Variants in METTL8 observed in about 807,000 individuals in gnomAD.
METTL8 encodes the protein tRNA N(3)-cytidine methyltransferase METTL8, mitochondrial.
In METTL8, 32 loss-of-function variants were observed where a neutral mutation model predicts 48.7. That is an observed-to-expected ratio of 0.66 (90% confidence interval 0.50 to 0.88). The LOEUF is 0.88. Ranked by LOEUF, METTL8 falls within the 40% of genes least tolerant of loss-of-function variation. The pLI is 0.00. For missense variants in METTL8, 464 were observed against 474.4 expected, an observed-to-expected ratio of 0.98 and a Z score of 0.20; for synonymous variants, 136 against 157.1, an observed-to-expected ratio of 0.87 and a Z score of 1.01.
intron 2 of METTL8, among the ~76,000 whole-genome samples, chr2:171,366,743 G>T (rs1685759696): frequency 6.6e-6 from 1 of 151,874 alleles, no homozygotes; most frequent in East Asian, 1.9e-4. Context: ...AGTTGAGTAG[G>T]CTCAGGTGGG....
intron 1 of METTL8, among the ~76,000 whole-genome samples, chr2:171,403,663 C>T (rs577064000): frequency 1.3e-5 from 2 of 152,024 alleles, no homozygotes; most frequent in South Asian, 2.1e-4. Context: ...ACAAGGGAGA[C>T]GGGGTATGGA....
At chr2:171,332,171 C>T (rs143853910) in intron 5 of METTL8, 5 of 225,306 alleles carry the variant, frequency 2.2e-5, no homozygotes, top group African/African-American at 6.8e-5. Flanking sequence ...TAGGTGTGAG[C>T]CACTGTGCTC....
At position 171,317,099 on chromosome 2, in the gene METTL8, C is replaced by T. The variant is rs188359260; in HGVS notation, c.*7073G>A. On this transcript the variant is annotated 3_prime_UTR_variant, in exon 10 of 10. Coordinates refer to ENST00000375258, the MANE Select transcript of METTL8 (RefSeq NM_001321154.2). ...AAAAACAAAAAACAAAAAAGCCCCA[C>T]TAATGCAGTGGACTCAGCAGCGGGC... Among the ~76,000 whole-genome samples, 311 of 152,292 alleles carry T rather than the reference C, an allele frequency of 2.0e-3. 5 individuals carry two copies. The highest frequency in any genetic ancestry group is 7.2e-3 in the African/African-American group (298 of 41,558).
At chr2:171,420,579 CCT>C (rs1016361675) in intron 1 of METTL8, among the ~76,000 whole-genome samples, 8 of 152,066 alleles carry the variant, frequency 5.3e-5, no homozygotes, top group African/African-American at 1.9e-4. Flanking sequence ...TAAACATACC[CCT>C]GAGCCAGCAA....
chr2:171,381,518 GC>G (rs1160710595), intron 2 of METTL8, among the ~76,000 whole-genome samples: 2 of 151,914 alleles, frequency 1.3e-5, no homozygotes, highest in African/African-American at 4.8e-5. Context: ...CTGACAAAGG[GC>G]TAATATCCAG....
Position 171,324,302 on chromosome 2 carries a change from C to T in METTL8, c.1094G>A (p.Arg365His), listed in dbSNP as rs747770730. 47 of 1,551,474 alleles carry T rather than the reference C, an allele frequency of 3.0e-5. No homozygotes were observed. The highest frequency in any genetic ancestry group is 3.6e-5 in the Non-Finnish European group (41 of 1,147,000). The change falls in exon 10 of 10, where the codon CGC becomes CAC. Residue 365 changes from arginine to histidine, a missense_variant. Arg to His is a conservative substitution (Grantham distance 29). Coordinates refer to ENST00000375258, the MANE Select transcript of METTL8 (RefSeq NM_001321154.2). Reference sequence around the variant, plus strand: ...TTTTTTCCTATTAACTTGTAAGCGGCGATCAACCAGATTTTGCTTTTCATC... The same window carrying T: ...TTTTTTCCTATTAACTTGTAAGCGGTGATCAACCAGATTTTGCTTTTCATC... ...SLDEKQNLVD[R>H]RLQVNRKKQV...
At chr2:171,419,021 C>T (rs530154822) in intron 1 of METTL8, among the ~76,000 whole-genome samples, 1 of 132,322 alleles carries the variant, frequency 7.6e-6, no homozygotes, top group Admixed American at 7.7e-5. Context: ...GACCCTGTCT[C>T]AAAAAAAAAA....
intron 2 of METTL8, among the ~76,000 whole-genome samples, chr2:171,389,430 G>A (rs1257091463): frequency 1.4e-5 from 2 of 138,518 alleles, no homozygotes; most frequent in Admixed American, 8.3e-5. Context: ...TGAGGCCAGA[G>A]AATCACTTGA....
intron 7 of METTL8, among the ~76,000 whole-genome samples, chr2:171,328,462 A>G (rs1227835997): frequency 6.6e-6 from 1 of 152,138 alleles, no homozygotes; most frequent in East Asian, 1.9e-4. Context: ...TCTGGGGTTG[A>G]ATCTACTACT....
Position 171,339,247 on chromosome 2 carries a change from G to T in METTL8, c.543C>A (p.His181Gln), listed in dbSNP as rs1265246189. The T allele has an allele frequency of 4.4e-6, 7 of 1,601,154 alleles. No homozygotes were observed. The highest frequency in any genetic ancestry group is 2.7e-5 in the African/African-American group (2 of 73,998). ...ATCCAGTCTCCATAGGTCCTTTTTTGTGTTTTTCAGAGTCTAGGTTGGAAA... is the reference window on the plus strand; with the variant it reads ...ATCCAGTCTCCATAGGTCCTTTTTTTTGTTTTTCAGAGTCTAGGTTGGAAA... ...SDFSNLDSEKHKKGPMETGLF... is the reference protein window; with the variant it reads ...SDFSNLDSEKQKKGPMETGLF... Residue 181 changes from histidine to glutamine, a missense_variant, in exon 4 of 10, where the codon CAC becomes CAA. Transcript: ENST00000375258.
intron 2 of METTL8, among the ~76,000 whole-genome samples, chr2:171,387,556 T>TAA (rs1259484341): frequency 6.6e-6 from 1 of 150,548 alleles, no homozygotes; most frequent in African/African-American, 2.4e-5. Context: ...AAAAAAAATT[T>TAA]TTTTTTAAAT....
intron 1 of METTL8, among the ~76,000 whole-genome samples, chr2:171,417,425 T>C (rs1476170327): frequency 6.6e-6 from 1 of 152,214 alleles, no homozygotes; most frequent in South Asian, 2.1e-4. Flanking sequence ...CAAACAATTA[T>C]ATAAGGTTTG....
chr2:171,409,677 T>C (rs1049328228), intron 1 of METTL8, among the ~76,000 whole-genome samples: 1 of 152,120 alleles, frequency 6.6e-6, no homozygotes, highest in African/African-American at 2.4e-5. Flanking sequence ...CTTTTCTAAA[T>C]GGACCCCTGG....
At position 171,373,004 on chromosome 2, in the gene METTL8, T is replaced by C. The variant is rs1465702604; in HGVS notation, c.144-12491A>G. Among the ~76,000 whole-genome samples the C allele has an allele frequency of 3.3e-5, 5 of 152,236 alleles. 1 individual carries two copies. The highest frequency in any genetic ancestry group is 7.3e-5 in the Non-Finnish European group (5 of 68,044). ...AATCCTTTGGGTATATACCCAGTAA[T>C]GGGATGACTGGATCAAATGGTATTT... On this transcript the variant is annotated intron_variant, in intron 2 of 9. Coordinates refer to ENST00000375258, the MANE Select transcript of METTL8 (RefSeq NM_001321154.2).
intron 1 of METTL8, among the ~76,000 whole-genome samples, chr2:171,411,971 A>G (rs1690798363): frequency 2.6e-5 from 4 of 152,260 alleles, no homozygotes; most frequent in Admixed American, 2.6e-4. Flanking sequence ...TGCTATGAAT[A>G]AGCATTTACT....
At chr2:171,406,372 T>A (rs1003437320) in intron 1 of METTL8, among the ~76,000 whole-genome samples, 37 of 152,334 alleles carry the variant, frequency 2.4e-4, no homozygotes, top group Admixed American at 9.8e-4. Context: ...TTGGTCAGCT[T>A]GGGCTGCCAC....
At chr2:171,330,059 C>A (rs1685357144) in intron 7 of METTL8, among the ~76,000 whole-genome samples, 1 of 152,140 alleles carries the variant, frequency 6.6e-6, no homozygotes, top group Non-Finnish European at 1.5e-5. Context: ...TCATAAAGGT[C>A]CAAGGATAAT....
chr2:171,411,169 G>C (rs1263146531), intron 1 of METTL8, among the ~76,000 whole-genome samples: 1 of 152,190 alleles, frequency 6.6e-6, no homozygotes, highest in Non-Finnish European at 1.5e-5. Context: ...TAGGAAGACA[G>C]TACATGGGTT....
intron 2 of METTL8, among the ~76,000 whole-genome samples, chr2:171,382,238 T>G (rs1333595944): frequency 6.6e-6 from 1 of 152,190 alleles, no homozygotes; most frequent in Non-Finnish European, 1.5e-5. Context: ...CATTCCACTC[T>G]AAAGACACAT....
Sources: gnomAD v4.1 joint callset for allele counts (sites outside exome capture counted in the v4.1 genomes callset) on GRCh38, gnomAD v4.1.1 for gene constraint, MANE v1.5 for transcripts, NCBI Gene and HGNC (gene_info 2026-07-23, HGNC 2026-07-21) for gene names.